The following ELP1 variants were observed in gnomAD, a reference collection of about 807,000 sequenced individuals.
ELP1 encodes the protein elongator acetyltransferase complex subunit 1.
In ELP1, 131 loss-of-function variants were observed where a neutral mutation model predicts 183.2. That is an observed-to-expected ratio of 0.72 (90% CI 0.62 to 0.83). The LOEUF is 0.83. ELP1 is among the 40% of genes least tolerant of loss of function. The pLI, the probability that ELP1 is intolerant of heterozygous loss-of-function variation, is 0.00. For synonymous variants in ELP1, 555 were observed against 569.0 expected, an observed-to-expected ratio of 0.98 and a Z score of 0.35; for missense variants, 1,550 against 1,594.9, an observed-to-expected ratio of 0.97 and a Z score of 0.48.
intron 10 of ELP1, among the ~76,000 whole-genome samples, chr9:108,914,413 A>AGGGGGGG (rs762220846): frequency 1.1e-5 from 1 of 89,132 alleles, no homozygotes; most frequent in African/African-American, 4.7e-5. Context: ...AAAAAAAAAA[A>AGGGGGGG]GGGGGGGGGG....
chr9:108,912,296 C>A lies in ELP1; in HGVS notation c.1157G>T (p.Ser386Ile). 6.2e-7 allele frequency: 1 copy of A among 1,614,178 alleles called. No individual in the cohort carries two copies. Among genetic ancestry groups the A allele is most frequent in the Non-Finnish European group, 8.5e-7 (1 of 1,180,030 alleles). ...TTDRSVGDNS[S>I]DLSNVAVIDG... Reference sequence around the variant, plus strand: ...AATGACAGCCACATTGGACAAGTCACTTGAATTATCTCCCACGCTCCGGTC... The same window carrying A: ...AATGACAGCCACATTGGACAAGTCAATTGAATTATCTCCCACGCTCCGGTC... The change falls in exon 11 of 37, where the codon AGT (serine) becomes ATT (isoleucine). Residue 386 changes from serine (S) to isoleucine (I), a missense_variant. Physicochemically the swap from Ser to Ile is moderately radical, Grantham distance 142. Coordinates refer to ENST00000374647, the MANE Select transcript of ELP1 (RefSeq NM_003640.5).
chr9:108,883,186 C>A (rs12340780), intron 29 of ELP1, among the ~76,000 whole-genome samples: 33,128 of 152,086 alleles, frequency 0.22, 4,020 homozygotes, highest in African/African-American at 0.32. Flanking sequence ...GGTTTTGAGA[C>A]AGGGTCTTGT....
chr9:108,902,763 C>T (rs1241332959), intron 16 of ELP1, 76 bp downstream of exon 16: 1 of 1,097,866 alleles, frequency 9.1e-7, no homozygotes, highest in East Asian at 2.4e-5. Context: ...CCTCCAAAGC[C>T]CACGCTCTTT....
intron 25 of ELP1, among the ~76,000 whole-genome samples, chr9:108,896,117 C>T (rs4978376): frequency 0.18 from 27,392 of 151,902 alleles, 3,221 homozygotes; most frequent in African/African-American, 0.33. Flanking sequence ...ATTAGCCGGG[C>T]GTGGTGATGG....
intron 10 of ELP1, among the ~76,000 whole-genome samples, chr9:108,913,532 A>C (rs1829312239): frequency 6.6e-6 from 1 of 152,224 alleles, no homozygotes; most frequent in South Asian, 2.1e-4. Context: ...ATCACAGCAA[A>C]CATAACCTAG....
intron 1 of ELP1, among the ~76,000 whole-genome samples, chr9:108,932,300 C>T (rs140294930): frequency 6.4e-4 from 98 of 152,292 alleles, no homozygotes; most frequent in African/African-American, 2.2e-3. Context: ...CAATTATATT[C>T]AAGAACTGCT....
In ELP1 at chr9:108,869,070, A is replaced by G. The variant is rs1332353520; in HGVS notation, c.*45T>C. 2.6e-6 allele frequency: 4 copies of G among 1,527,952 alleles called. No individual in the cohort carries two copies. The African/African-American group carries it at 4.1e-5, about 16-fold the overall frequency. The allele number at this position is 1,527,952 out of a possible 1,614,324, so 94.6% of individuals were successfully genotyped here. A position where few individuals can be genotyped will look rare whatever the true frequency, so the allele number is the denominator to read the frequency against. On this transcript the variant is annotated 3_prime_UTR_variant, in exon 37 of 37. Coordinates refer to ENST00000374647, the MANE Select transcript of ELP1 (RefSeq NM_003640.5). Reference sequence around the variant, plus strand: ...AAGGGGTGGTAGGACAACAGGAATGAGTGGAAATGGTCTTCTCTGTCGGAT... The same window carrying G: ...AAGGGGTGGTAGGACAACAGGAATGGGTGGAAATGGTCTTCTCTGTCGGAT...
chr9:108,922,031 A>G (rs1163565197), intron 6 of ELP1, among the ~76,000 whole-genome samples: 1 of 152,158 alleles, frequency 6.6e-6, no homozygotes, highest in Non-Finnish European at 1.5e-5. Flanking sequence ...AAGGTCTCAT[A>G]GCTTCTAAAT....
At chr9:108,929,666 A>T in intron 3 of ELP1, 103 bp downstream of exon 3, 1 of 1,171,156 alleles carries the variant, frequency 8.5e-7, no homozygotes, top group Non-Finnish European at 1.3e-6. Flanking sequence ...TTAATTAGCA[A>T]AAGTGTAACT....
chr9:108,885,735 C>T (rs532965293), intron 29 of ELP1, among the ~76,000 whole-genome samples: 1 of 152,338 alleles, frequency 6.6e-6, no homozygotes, highest in African/African-American at 2.4e-5. Flanking sequence ...CACCAACTCT[C>T]TCTGTTCCAT....
At chr9:108,926,038 G>C (rs1490760340) in intron 5 of ELP1, among the ~76,000 whole-genome samples, 2 of 152,166 alleles carry the variant, frequency 1.3e-5, no homozygotes, top group Non-Finnish European at 2.9e-5. Flanking sequence ...CAAAGCTTAT[G>C]CTTAATAAGC....
At chr9:108,886,064 C>A (rs1160208047) in intron 29 of ELP1, among the ~76,000 whole-genome samples, 2 of 152,192 alleles carry the variant, frequency 1.3e-5, no homozygotes, top group Non-Finnish European at 2.9e-5. Context: ...AATACTGTTA[C>A]AAGAGCATGA....
chr9:108,929,842 A>C lies in ELP1; in HGVS notation c.230T>G (p.Leu77Trp). ...GSGRIVGVQD[L>W]LDQESVCVAT... ...CACACACACAGACTCCTGATCCAGC[A>C]AGTCCTGAACACCAACAATGCGGCC... is the stretch of plus-strand genomic sequence containing the variant. The change falls in exon 3 of 37, where the codon TTG (leucine) becomes TGG (tryptophan). Residue 77 changes from leucine to tryptophan, a missense_variant. Transcript: ENST00000374647. 6.2e-7 allele frequency: 1 copy of C among 1,614,028 alleles called. No homozygotes were observed. The highest frequency in any genetic ancestry group is 8.5e-7 in the Non-Finnish European group (1 of 1,180,040).
At chr9:108,869,652 G>A (rs1364196321) in intron 36 of ELP1, among the ~76,000 whole-genome samples, 1 of 152,010 alleles carries the variant, frequency 6.6e-6, no homozygotes, top group African/African-American at 2.4e-5. Flanking sequence ...CAAACATGTT[G>A]ATCAATAAAG....
chr9:108,872,827 A>AAAAAAAAAC (rs1827535179), intron 36 of ELP1, among the ~76,000 whole-genome samples: 1 of 107,970 alleles, frequency 9.3e-6, no homozygotes, highest in Non-Finnish European at 2.2e-5. Flanking sequence ...AAAAAAAAAA[A>AAAAAAAAAC]AAAAAAAAAA....
chr9:108,873,545 C>T (rs928185358), intron 36 of ELP1, among the ~76,000 whole-genome samples: 1 of 152,172 alleles, frequency 6.6e-6, no homozygotes, highest in Non-Finnish European at 1.5e-5. Flanking sequence ...CAAGAAAGTG[C>T]TCTTTGAAGT....
rs1471033759 is a variant in ELP1 at position 108,922,326 on chromosome 9, G to A, written c.552+516C>T. On this transcript the variant is annotated intron_variant, in intron 6 of 36. Coordinates refer to ENST00000374647, the MANE Select transcript of ELP1 (RefSeq NM_003640.5). ...CCACACACCTCTGCCTTCAGGGGCC[G>A]CCCCGCCTACATTAGAAGATTAAAA... 8.5e-5 allele frequency among the ~76,000 whole-genome samples: 13 copies of A among 152,238 alleles called. No individual in the cohort carries two copies. The South Asian group carries it at 1.7e-3, about 19-fold the overall frequency.
chr9:108,874,996 C>T (rs750564744), intron 35 of ELP1, 26 bp from the exon 36 acceptor site: 10 of 1,483,176 alleles, frequency 6.7e-6, no homozygotes, highest in Middle Eastern at 1.7e-4. Context: ...ACTGTATCAG[C>T]AAAGATTATC....
intron 6 of ELP1, among the ~76,000 whole-genome samples, chr9:108,922,324 C>G (rs747985278): frequency 3.3e-5 from 5 of 152,224 alleles, no homozygotes; most frequent in African/African-American, 4.8e-5. Flanking sequence ...CCTTCAGGGG[C>G]CGCCCCGCCT....
Sources: allele counts gnomAD v4.1 joint callset (sites outside exome capture counted in the v4.1 genomes callset), GRCh38; gene constraint gnomAD v4.1.1; transcripts MANE v1.5; gene names NCBI Gene and HGNC (gene_info 2026-07-23, HGNC 2026-07-21).